Variants in UBA3 observed in about 807,000 individuals in gnomAD.
UBA3 encodes ubiquitin like modifier activating enzyme 3.
In UBA3, 26 loss-of-function variants were observed where a neutral mutation model predicts 73.5. The ratio of observed to expected loss-of-function variants is 0.35; its 90% CI spans 0.26 to 0.49. The LOEUF (loss-of-function observed/expected upper bound fraction) is 0.49, where lower values mean the gene tolerates loss of function less well. Ranked by LOEUF, UBA3 falls within the 20% of genes least tolerant of loss-of-function variation. UBA3 has a pLI of 0.98. For missense variants in UBA3, 495 were observed against 555.6 expected (o/e 0.89, Z 1.10); for synonymous variants, 217 against 191.2 (o/e 1.13, Z -1.11).
At chr3:69,061,696 C>G in intron 11 of UBA3, 118 bp downstream of exon 11, 1 of 593,338 alleles carries the variant, frequency 1.7e-6, no homozygotes, top group East Asian at 2.7e-5. Context: ...TTACATGGTA[C>G]CTTTACTGAA....
chr3:69,078,913 CCT>C (rs2107503691), intron 2 of UBA3, among the ~76,000 whole-genome samples: 1 of 152,286 alleles, frequency 6.6e-6, no homozygotes, highest in African/African-American at 2.4e-5. Flanking sequence ...AGGTGGGACT[CCT>C]CTACAAAATT....
chr3:69,063,225 T>G (rs550195611), intron 8 of UBA3, 88 bp from the exon 9 acceptor site: 29 of 1,517,114 alleles, frequency 1.9e-5, no homozygotes, highest in Middle Eastern at 1.8e-4. Flanking sequence ...TATGAGTCGG[T>G]TGTGCTATTG....
intron 4 of UBA3, among the ~76,000 whole-genome samples, chr3:69,072,269 T>A (rs981025433): frequency 4.6e-5 from 7 of 152,140 alleles, no homozygotes; most frequent in Admixed American, 1.3e-4. Context: ...AAAAAATAAG[T>A]CTCAATAACT....
In UBA3 at chr3:69,071,687, A is replaced by G. The variant is rs551096394; in HGVS notation, c.265-70T>C. The G allele has an allele frequency of 6.2e-6, 6 of 966,292 alleles. No individual in the cohort carries two copies. The East Asian group carries it at 1.1e-4, about 17-fold the overall frequency. 59.9% of individuals were successfully genotyped at this position (966,292 alleles called of 1,614,324 possible). A position where few individuals can be genotyped will look rare whatever the true frequency, so the allele number is the denominator to read the frequency against. The stretch of plus-strand genomic sequence containing the variant: ...TTTAAAAACGTAACATTTGTTTTCA[A>G]TGTAGTCTTAAGTCTACAAATTCTC... On this transcript the variant is annotated intron_variant, in intron 4 of 17. Transcript: ENST00000361055.
chr3:69,080,125 G>C lies in UBA3; in HGVS notation c.49C>G (p.Leu17Val). 6.2e-7 allele frequency: 1 copy of C among 1,609,294 alleles called. No homozygotes were observed. The highest frequency in any genetic ancestry group is 8.5e-7 in the Non-Finnish European group (1 of 1,178,816). Residue 17 changes from leucine to valine, a missense_variant, in exon 2 of 18, where the codon CTG becomes GTG. By Grantham distance (32) the Leu-to-Val change is conservative. Coordinates refer to ENST00000361055, the MANE Select transcript of UBA3 (RefSeq NM_003968.4). ...GGCAGCACTAACTTCTCAGCCAGCA[G>C]CTCCTCTATTCTCCTTCTTTTCTTC... is the stretch of plus-strand genomic sequence containing the variant. ...PEKKRRRIEE[L>V]LAEKMAVDGG...
intron 6 of UBA3, among the ~76,000 whole-genome samples, chr3:69,064,445 T>A (rs1381493120): frequency 2.0e-5 from 3 of 152,300 alleles, no homozygotes; most frequent in African/African-American, 4.8e-5. Context: ...TCCTCAATCA[T>A]CAGCATCAAG....
intron 2 of UBA3, 87 bp downstream of exon 2, chr3:69,080,025 C>T (rs544812537): frequency 1.6e-4 from 210 of 1,310,746 alleles, no homozygotes; most frequent in Non-Finnish European, 2.1e-4. Context: ...CCCAGCCCCC[C>T]GGGCCCGCTG....
At position 69,077,734 on chromosome 3, in the gene UBA3, G is replaced by A. The variant is rs565370266; in HGVS notation, c.183+64C>T. Reference sequence around the variant, plus strand: ...ATTGTAAGAGCAAATTAAAAAAGAAGCATTCTATTAGTTTTGAAACATAAA... The same window carrying A: ...ATTGTAAGAGCAAATTAAAAAAGAAACATTCTATTAGTTTTGAAACATAAA... On this transcript the variant is annotated intron_variant, in intron 3 of 17. Coordinates refer to ENST00000361055, the MANE Select transcript of UBA3 (RefSeq NM_003968.4). 1.7e-5 allele frequency: 25 copies of A among 1,436,718 alleles called. 1 individual carries two copies. In the South Asian group the frequency reaches 3.7e-4, roughly 21 times the overall value. The allele number at this position is 1,436,718 out of a possible 1,614,324, so 89.0% of individuals were successfully genotyped here.
chr3:69,080,288 C>G (rs765728774), intron 1 of UBA3, 46 bp downstream of exon 1: 1 of 1,601,320 alleles, frequency 6.2e-7, no homozygotes, highest in Non-Finnish European at 8.5e-7. Context: ...CGCGCTCTCT[C>G]ACAACCCAGC....
chr3:69,056,309 ACAGC>A, intron 14 of UBA3, 26 bp from the exon 15 acceptor site: 1 of 1,482,802 alleles, frequency 6.7e-7, no homozygotes, highest in Non-Finnish European at 9.2e-7. Flanking sequence ...ACAACAAATT[ACAGC>A]AGCACATGCA....
intron 4 of UBA3, among the ~76,000 whole-genome samples, chr3:69,074,542 A>G (rs954412918): frequency 3.9e-5 from 6 of 152,348 alleles, no homozygotes; most frequent in African/African-American, 1.4e-4. Context: ...GGCTATGTTT[A>G]TATTTAAACT....
At position 69,064,078 on chromosome 3, in the gene UBA3, A is replaced by G. The variant is rs61737489; in HGVS notation, c.462T>C (p.Thr154=). The G allele has an allele frequency of 1.8e-3, 2,933 of 1,603,496 alleles. 58 individuals are homozygous for G. In the African/African-American group the frequency reaches 0.034, roughly 19 times the overall value. The change falls in exon 7 of 18, where the codon ACT becomes ACC. Residue 154 remains threonine (T), a synonymous_variant. Transcript: ENST00000361055. ...HFNKIQDFND[T]FYRQFHIIVC... ...AAGTAAAAAACTTACGTCGATAGAA[A>G]GTGTCGTTAAAATCTTGAATCTTGT...
rs780990424 is a variant in UBA3 at position 69,055,835 on chromosome 3, C to G, written c.1303+16G>C. 2 of 1,604,872 alleles carry G rather than the reference C, an allele frequency of 1.2e-6. No homozygotes were observed. Among genetic ancestry groups the G allele is most frequent in the Non-Finnish European group, 1.7e-6 (2 of 1,175,052 alleles). ...AAAGAAAGAAAATGATTAGTAAATA[C>G]CCTTATGTAAAATACCTTTCAATGT... On this transcript the variant is annotated intron_variant, in intron 17 of 17. Coordinates refer to ENST00000361055, the MANE Select transcript of UBA3 (RefSeq NM_003968.4).
chr3:69,076,855 AG>A (rs2107501491), intron 3 of UBA3, among the ~76,000 whole-genome samples: 1 of 151,888 alleles, frequency 6.6e-6, no homozygotes, highest in African/African-American at 2.4e-5. Context: ...GACCTCCCAA[AG>A]TGCTGGGATT....
chr3:69,058,172 C>T (rs544852310), intron 11 of UBA3, among the ~76,000 whole-genome samples: 16 of 152,212 alleles, frequency 1.1e-4, no homozygotes, highest in East Asian at 7.7e-4. Context: ...CCTTGTGATC[C>T]GCCCGCCCTG....
At chr3:69,062,468 T>C (rs1033542227) in intron 9 of UBA3, among the ~76,000 whole-genome samples, 1 of 152,250 alleles carries the variant, frequency 6.6e-6, no homozygotes, top group Non-Finnish European at 1.5e-5. Flanking sequence ...TATGAACACC[T>C]TGTTATTTTT....
chr3:69,075,466 TC>T lies in UBA3; in HGVS notation c.227del (p.Gly76GlufsTer5). On this transcript the variant is annotated frameshift_variant, in exon 4 of 18. Transcript: ENST00000361055. LOFTEE classifies it high-confidence loss of function. Reference protein sequence around the residue: ...LLDTCKVLVIGAGGLGCELLK... With the variant: ...LLDTCKVLVIXAGGLGCELLK... ...GGAGCTCACATCCTAAGCCGCCAGC[TC>T]CAATGACTAGAACTTTACATGTATC... 6.4e-7 allele frequency: 1 copy of T among 1,568,126 alleles called. No individual in the cohort carries two copies.
chr3:69,056,407 T>C, intron 14 of UBA3, 124 bp from the exon 15 acceptor site: 1 of 939,346 alleles, frequency 1.1e-6, no homozygotes, highest in Non-Finnish European at 1.5e-6. Context: ...AAAATTTTTA[T>C]GCTTTAAAGC....
intron 11 of UBA3, 180 bp downstream of exon 11, chr3:69,061,634 A>C (rs2092021898): frequency 2.0e-6 from 1 of 493,864 alleles, no homozygotes; most frequent in Non-Finnish European, 3.6e-6. Context: ...AGCCTAAGTA[A>C]GTAAGATTCA....
Sources: allele counts gnomAD v4.1 joint callset (sites outside exome capture counted in the v4.1 genomes callset), GRCh38; gene constraint gnomAD v4.1.1; transcripts MANE v1.5; gene names NCBI Gene and HGNC (gene_info 2026-07-23, HGNC 2026-07-21).